SNX8: variants seen among roughly 807,000 people sequenced by gnomAD.
SNX8 encodes sorting nexin 8.
A neutral mutation model predicts 51.6 loss-of-function variants in SNX8; 25 were observed. The observed-to-expected ratio is 0.48, with a 90% CI of 0.35 to 0.68. SNX8 has a LOEUF of 0.68. SNX8 is among the 30% of genes least tolerant of loss of function. SNX8 has a pLI of 0.00. For synonymous variants in SNX8, 324 were observed against 277.0 expected (o/e 1.17, Z -1.68); for missense variants, 695 against 624.0 (o/e 1.11, Z -1.21).
At chr7:2,302,984 G>A (rs1454807122) in intron 1 of SNX8, among the ~76,000 whole-genome samples, 11 of 151,644 alleles carry the variant, frequency 7.3e-5, no homozygotes, top group African/African-American at 1.7e-4. Flanking sequence ...GTCTCCGCCC[G>A]GCAGCCACCC....
intron 5 of SNX8, among the ~76,000 whole-genome samples, chr7:2,264,934 C>G (rs1174036972): frequency 6.6e-6 from 1 of 152,170 alleles, no homozygotes; most frequent in Non-Finnish European, 1.5e-5. Context: ...ACTCCAGAGG[C>G]TGAGACAGGA....
chr7:2,268,230 G>C (rs547166242), intron 5 of SNX8, among the ~76,000 whole-genome samples: 1 of 135,804 alleles, frequency 7.4e-6, no homozygotes, highest in Non-Finnish European at 1.6e-5. Flanking sequence ...TCTGCCCGGC[G>C]AGACCCCGTC....
intron 1 of SNX8, among the ~76,000 whole-genome samples, chr7:2,351,905 G>GTTTTTTT (rs748043966): frequency 3.4e-5 from 3 of 88,336 alleles, no homozygotes; most frequent in Non-Finnish European, 4.5e-5. Flanking sequence ...GTTGTTGTTG[G>GTTTTTTT]TTTTTTTTTT....
chr7:2,301,578 T>C (rs1367171576), intron 1 of SNX8, among the ~76,000 whole-genome samples: 1 of 152,170 alleles, frequency 6.6e-6, no homozygotes, highest in Non-Finnish European at 1.5e-5. Flanking sequence ...CTTTTAATTA[T>C]ATGCAAACTA....
At chr7:2,311,817 G>T (rs1466617456) in intron 1 of SNX8, among the ~76,000 whole-genome samples, 2 of 151,754 alleles carry the variant, frequency 1.3e-5, no homozygotes, top group East Asian at 3.9e-4. Context: ...GGCGCCTGTA[G>T]TCCCAGCTAC....
At chr7:2,297,968 C>T (rs114621160) in intron 1 of SNX8, among the ~76,000 whole-genome samples, 1,753 of 152,036 alleles carry the variant, frequency 0.012, 17 homozygotes, top group African/African-American at 0.015. Context: ...AATAAAAACC[C>T]AGCCTCGACC....
At chr7:2,344,332 T>A (rs1778983562) in intron 1 of SNX8, among the ~76,000 whole-genome samples, 1 of 151,584 alleles carries the variant, frequency 6.6e-6, no homozygotes, top group African/African-American at 2.4e-5. Flanking sequence ...ATTAAAAAAA[T>A]TATAGACAGT....
chr7:2,298,125 T>C (rs1266376136), intron 1 of SNX8, among the ~76,000 whole-genome samples: 1 of 152,040 alleles, frequency 6.6e-6, no homozygotes, highest in Non-Finnish European at 1.5e-5. Context: ...TATTCTTATT[T>C]TTAGAGAGGA....
intron 7 of SNX8, among the ~76,000 whole-genome samples, chr7:2,259,459 G>C (rs963807205): frequency 6.6e-6 from 1 of 152,202 alleles, no homozygotes; most frequent in African/African-American, 2.4e-5. Context: ...AGCTCAGCAG[G>C]AGACGGGGCA....
At chr7:2,257,248 G>T in intron 9 of SNX8, 117 bp downstream of exon 9, 4 of 1,303,518 alleles carry the variant, frequency 3.1e-6, no homozygotes, top group Non-Finnish European at 4.2e-6. Flanking sequence ...TGCACCCCCA[G>T]CTCTGTTCCA....
chr7:2,268,244 G>C lies in SNX8; in HGVS notation c.621+1315C>G, dbSNP rs566863535. ...CTCTGCCCGGCGAGACCCCGTCTGG[G>C]AGGTGAGGAGCGTCTCTGCCCGGCC... is the stretch of plus-strand genomic sequence containing the variant. On this transcript the variant is annotated intron_variant, in intron 5 of 10. Coordinates refer to ENST00000222990, the MANE Select transcript of SNX8 (RefSeq NM_013321.4). Among the ~76,000 whole-genome samples, 358 of 144,446 alleles carry C rather than the reference G, an allele frequency of 2.5e-3. 14 individuals carry two copies. The highest frequency in any genetic ancestry group is 9.1e-3 in the African/African-American group (341 of 37,594). The allele number at this position is 144,446 out of a possible 152,430, so 94.8% of individuals were successfully genotyped here.
chr7:2,254,596 C>A lies in SNX8; in HGVS notation c.*460G>T. ...TGGCCCTCCCTCCCAGCCTCAGCACCACTGGCTGTCCCCTCGCTGTCCGTG... is the reference window on the plus strand; with the variant it reads ...TGGCCCTCCCTCCCAGCCTCAGCACAACTGGCTGTCCCCTCGCTGTCCGTG... On this transcript the variant is annotated 3_prime_UTR_variant, in exon 11 of 11. Transcript: ENST00000222990. 1 of 180,036 alleles carries A rather than the reference C, an allele frequency of 5.6e-6. No homozygotes were observed. 11.2% of individuals were successfully genotyped at this position (180,036 alleles called of 1,614,324 possible).
At chr7:2,264,534 C>T in intron 5 of SNX8, 76 bp from the exon 6 acceptor site, 1 of 1,486,934 alleles carries the variant, frequency 6.7e-7, no homozygotes, top group South Asian at 1.2e-5. Flanking sequence ...GCCGGTCCCC[C>T]AGAAGCTGAG....
In SNX8 at chr7:2,269,565, C is replaced by A. The variant is rs774010540; in HGVS notation, c.615G>T (p.Arg205Ser). Residue 205 changes from arginine (R) to serine (S), a missense_variant, in exon 5 of 11, where the codon AGG (arginine) becomes AGT (serine). Arg to Ser is a moderately radical substitution (Grantham distance 110). Transcript: ENST00000222990. ...AAAAAAAAAAGAAAAATACCTTGGCCCTGGTAGCCAGCTTACAGTTCAGGA... is the reference window on the plus strand; with the variant it reads ...AAAAAAAAAAGAAAAATACCTTGGCACTGGTAGCCAGCTTACAGTTCAGGA... ...DEFLNCKLATRAKDFLPADIQ... is the reference protein window; with the variant it reads ...DEFLNCKLATSAKDFLPADIQ... The A allele has an allele frequency of 7.1e-6, 11 of 1,553,764 alleles. No homozygotes were observed. In the South Asian group the frequency reaches 1.4e-4, roughly 20 times the overall value.
chr7:2,318,752 C>T (rs1196935693), upstream of SNX8, among the ~76,000 whole-genome samples: 1 of 151,766 alleles, frequency 6.6e-6, no homozygotes, highest in African/African-American at 2.4e-5. Context: ...TGGCACATGC[C>T]TGTAATTCCA....
chr7:2,327,458 A>G (rs1012031533), intron 1 of SNX8, among the ~76,000 whole-genome samples: 1 of 151,204 alleles, frequency 6.6e-6, no homozygotes, highest in Non-Finnish European at 1.5e-5. Context: ...CCCAGGCTGG[A>G]GTGCAGTGGC....
At chr7:2,275,527 T>C (rs1161593728) in intron 2 of SNX8, among the ~76,000 whole-genome samples, 1 of 150,170 alleles carries the variant, frequency 6.7e-6, no homozygotes, top group Non-Finnish European at 1.5e-5. Flanking sequence ...CATGGCAAAA[T>C]CCCATCTCTA....
intron 1 of SNX8, among the ~76,000 whole-genome samples, chr7:2,332,569 C>G (rs1284220948): frequency 1.3e-5 from 2 of 151,890 alleles, no homozygotes; most frequent in African/African-American, 4.8e-5. Context: ...CCTGGACAAC[C>G]ATACTGAGAC....
intron 10 of SNX8, among the ~76,000 whole-genome samples, chr7:2,255,852 C>T (rs991017708): frequency 2.6e-5 from 4 of 152,202 alleles, no homozygotes; most frequent in Non-Finnish European, 5.9e-5. Context: ...GAGGGGAGCG[C>T]GGCAGTGAGG....
Sources: gnomAD v4.1 joint callset for allele counts (sites outside exome capture counted in the v4.1 genomes callset) on GRCh38, gnomAD v4.1.1 for gene constraint, MANE v1.5 for transcripts, NCBI Gene and HGNC (gene_info 2026-07-23, HGNC 2026-07-21) for gene names.